Variants in RAD50 observed in about 807,000 individuals in gnomAD.
RAD50 encodes DNA repair protein RAD50.
Under a neutral mutation model 168.8 loss-of-function variants are expected in RAD50, and 132 were observed. The observed-to-expected ratio is 0.78, with a 90% CI of 0.68 to 0.90. RAD50 has a LOEUF of 0.90. RAD50 is among the 40% of genes least tolerant of loss of function. The pLI is 0.00. For missense variants in RAD50, 1,347 were observed against 1,534.4 expected (o/e 0.88, Z 2.04); for synonymous variants, 525 against 497.4 (o/e 1.06, Z -0.74).
intron 16 of RAD50, among the ~76,000 whole-genome samples, chr5:132,607,221 G>A (rs986558930): frequency 2.0e-5 from 3 of 152,208 alleles, no homozygotes; most frequent in African/African-American, 7.2e-5. Flanking sequence ...TGGTCAGGTG[G>A]TGGTTGGTTA....
chr5:132,591,685 TACTCC>T (rs1750702601), intron 10 of RAD50, among the ~76,000 whole-genome samples, 187 bp from the exon 11 acceptor site: 2 of 152,154 alleles, frequency 1.3e-5, no homozygotes, highest in Non-Finnish European at 2.9e-5. Flanking sequence ...TTCGACTTGG[TACTCC>T]ACTCTTAAGG....
intron 21 of RAD50, among the ~76,000 whole-genome samples, chr5:132,635,620 C>T (rs751298619): frequency 2.0e-5 from 3 of 152,212 alleles, no homozygotes; most frequent in Admixed American, 6.5e-5. Flanking sequence ...TGCACGTGTG[C>T]GCCTTGGCCA....
intron 17 of RAD50, 72 bp downstream of exon 17, chr5:132,608,797 A>G (rs1308067274): frequency 6.6e-7 from 1 of 1,507,212 alleles, no homozygotes; most frequent in African/African-American, 1.4e-5. Flanking sequence ...CACGTCGGAC[A>G]CTTATTTCAC....
intron 2 of RAD50, among the ~76,000 whole-genome samples, chr5:132,563,996 C>G (rs1293904469): frequency 6.6e-6 from 1 of 152,196 alleles, no homozygotes; most frequent in East Asian, 1.9e-4. Context: ...GAGGCCTCCG[C>G]AGTCATGCTT....
At chr5:132,571,598 G>A (rs1471296730) in intron 2 of RAD50, among the ~76,000 whole-genome samples, 1 of 152,116 alleles carries the variant, frequency 6.6e-6, no homozygotes, top group African/African-American at 2.4e-5. Context: ...TGCACCTATA[G>A]TCCCAGCTAC....
chr5:132,631,708 G>T (rs1382923430), intron 21 of RAD50, among the ~76,000 whole-genome samples: 9 of 152,048 alleles, frequency 5.9e-5, no homozygotes, highest in African/African-American at 2.2e-4. Context: ...TCACTCAATA[G>T]CTCCTATAGG....
At chr5:132,562,330 G>A (rs2149832342) in intron 2 of RAD50, among the ~76,000 whole-genome samples, 1 of 152,254 alleles carries the variant, frequency 6.6e-6, no homozygotes, top group African/African-American at 2.4e-5. Flanking sequence ...AGCAAAGATA[G>A]GGCAGAGACA....
At chr5:132,566,325 A>G (rs1350812275) in intron 2 of RAD50, among the ~76,000 whole-genome samples, 1 of 152,184 alleles carries the variant, frequency 6.6e-6, no homozygotes, top group Non-Finnish European at 1.5e-5. Flanking sequence ...GCTACTCAGG[A>G]ACACTGTAAA....
rs760795345 is a variant in RAD50 at position 132,640,660 on chromosome 5, G to A, written c.3619-12G>A. On this transcript the variant is annotated splice_polypyrimidine_tract_variant and intron_variant, in intron 23 of 24. Coordinates refer to ENST00000378823, the MANE Select transcript of RAD50 (RefSeq NM_005732.4). ...TCTGTGCTGGGCTTCTCACATAGGG[G>A]CTTTTTTCCAGGTATTAGCCTCACT... The A allele has an allele frequency of 6.2e-7, 1 of 1,614,178 alleles. No homozygotes were observed. The highest frequency in any genetic ancestry group is 8.5e-7 in the Non-Finnish European group (1 of 1,180,010).
intron 5 of RAD50, among the ~76,000 whole-genome samples, chr5:132,585,980 G>T (rs2149839945): frequency 6.6e-6 from 1 of 152,182 alleles, no homozygotes; most frequent in East Asian, 1.9e-4. Context: ...GAGGACAGGA[G>T]TTTTAAATTT....
chr5:132,570,966 T>TA (rs1387406441), intron 2 of RAD50, among the ~76,000 whole-genome samples: 2 of 152,202 alleles, frequency 1.3e-5, no homozygotes, highest in Non-Finnish European at 2.9e-5. Flanking sequence ...GTAGGGTTAC[T>TA]AATTGGCCTA....
At chr5:132,623,924 C>T (rs1751327166) in intron 21 of RAD50, among the ~76,000 whole-genome samples, 1 of 152,106 alleles carries the variant, frequency 6.6e-6, no homozygotes, top group Admixed American at 6.5e-5. Context: ...CCCAGAATTG[C>T]CTAGGCATAT....
intron 2 of RAD50, among the ~76,000 whole-genome samples, chr5:132,569,727 C>G (rs74438233): frequency 6.6e-6 from 1 of 152,170 alleles, no homozygotes. Flanking sequence ...GACCAACATT[C>G]TGGACTGTAA....
intron 2 of RAD50, among the ~76,000 whole-genome samples, chr5:132,565,711 C>T (rs1750196266): frequency 6.6e-6 from 1 of 152,180 alleles, no homozygotes; most frequent in South Asian, 2.1e-4. Context: ...TATGATCTGA[C>T]TTCCCCCTAG....
In RAD50 at chr5:132,619,842, A is replaced by C. The variant is rs1258785007; in HGVS notation, c.3389+1548A>C. Among the ~76,000 whole-genome samples the C allele has an allele frequency of 1.2e-3, 149 of 122,440 alleles. 1 individual carries two copies. The highest frequency in any genetic ancestry group is 3.5e-3 in the African/African-American group (113 of 32,358). 80.3% of individuals were successfully genotyped at this position (122,440 alleles called of 152,430 possible). On this transcript the variant is annotated intron_variant, in intron 21 of 24. Coordinates refer to ENST00000378823, the MANE Select transcript of RAD50 (RefSeq NM_005732.4). ...TCTCTCTCTCTCTCTCTCTCTATAT[A>C]TATATATATAAAGATATATATATAT... is the stretch of plus-strand genomic sequence containing the variant.
chr5:132,568,105 CTG>C (rs1750240008), intron 2 of RAD50, among the ~76,000 whole-genome samples: 2 of 151,166 alleles, frequency 1.3e-5, no homozygotes, highest in African/African-American at 4.9e-5. Context: ...GAGTCTCACT[CTG>C]TTTCCCAGGC....
In RAD50 at chr5:132,604,877, A is replaced by G. The variant is rs786202709; in HGVS notation, c.2596A>G (p.Thr866Ala). 1.4e-5 allele frequency: 23 copies of G among 1,613,680 alleles called. No individual in the cohort carries two copies. The highest frequency in any genetic ancestry group is 1.9e-5 in the Non-Finnish European group (22 of 1,179,732). Residue 866 changes from threonine to alanine, a missense_variant, in exon 16 of 25, where the codon ACA (threonine) becomes GCA (alanine). This residue lies in a region of RAD50 where 635 missense variants were observed against 739.2 expected (regional missense o/e 0.86). Transcript: ENST00000378823. Reference sequence around the variant, plus strand: ...GGAACAGATTCAACATCTAAAAAGTACAACAAATGAGCTAAAATCTGAGAA... The same window carrying G: ...GGAACAGATTCAACATCTAAAAAGTGCAACAAATGAGCTAAAATCTGAGAA... ...QQEQIQHLKS[T>A]TNELKSEKLQ...
At chr5:132,565,435 A>G (rs987034330) in intron 2 of RAD50, among the ~76,000 whole-genome samples, 2 of 152,106 alleles carry the variant, frequency 1.3e-5, no homozygotes, top group African/African-American at 2.4e-5. Context: ...CCATCCCTGT[A>G]TGCCAGTCTT....
At chr5:132,615,014 A>C (rs1277926002) in intron 19 of RAD50, among the ~76,000 whole-genome samples, 1 of 152,180 alleles carries the variant, frequency 6.6e-6, no homozygotes, top group African/African-American at 2.4e-5. Context: ...AGTTTAGCTT[A>C]GCTGCAAGGG....
Sources: gnomAD v4.1 joint callset for allele counts (sites outside exome capture counted in the v4.1 genomes callset) on GRCh38, gnomAD v4.1.1 for gene constraint, gnomAD v4.1.1 regional missense constraint, MANE v1.5 for transcripts, NCBI Gene and HGNC (gene_info 2026-07-23, HGNC 2026-07-21) for gene names.